IRF2BP2: variants seen among roughly 807,000 people sequenced by gnomAD.
The protein encoded by IRF2BP2 is interferon regulatory factor 2 binding protein 2.
In IRF2BP2, 13 loss-of-function variants were observed where a neutral mutation model predicts 32.7. The ratio of observed to expected loss-of-function variants is 0.40; its 90% CI spans 0.26 to 0.63. The LOEUF is 0.63. Ranked by LOEUF, IRF2BP2 falls within the 30% of genes least tolerant of loss-of-function variation. The pLI is 0.42. For missense variants in IRF2BP2, 980 were observed against 830.6 expected, an observed-to-expected ratio of 1.18 and a Z score of -2.21; for synonymous variants, 555 against 384.6, an observed-to-expected ratio of 1.44 and a Z score of -5.18.
At position 234,609,155 on chromosome 1, in the gene IRF2BP2, A is replaced by C; in HGVS notation, c.340T>G (p.Leu114Val). Residue 114 changes from leucine (L) to valine (V), a missense_variant, in exon 1 of 2, where the codon TTG (leucine) becomes GTG (valine). Transcript: ENST00000366609. ...GCGGCCGCCAACGGGTAGCGCTCCA[A>C]GGCCTGCGGCGCGCGCGGGGCCGCC... ...PEAAPRAPQA[L>V]ERYPLAAAAE... is the part of the protein sequence containing the mutation. 7.9e-7 allele frequency: 1 copy of C among 1,264,676 alleles called. No homozygotes were observed. The highest frequency in any genetic ancestry group is 9.9e-7 in the Non-Finnish European group (1 of 1,008,456). The allele number at this position is 1,264,676 out of a possible 1,614,324, so 78.3% of individuals were successfully genotyped here.
chr1:234,609,188 C>T lies in IRF2BP2; in HGVS notation c.307G>A (p.Gly103Ser). 1 of 1,298,650 alleles carries T rather than the reference C, an allele frequency of 7.7e-7. No individual in the cohort carries two copies. Among genetic ancestry groups the T allele is most frequent in the Non-Finnish European group, 9.7e-7 (1 of 1,027,986 alleles). The allele number at this position is 1,298,650 out of a possible 1,614,324, so 80.4% of individuals were successfully genotyped here. ...LQQQQQLGHG[G>S]PEAAPRAPQA... is the part of the protein sequence containing the mutation. ...GGCGCGCGCGGGGCCGCCTCGGGGC[C>T]GCCGTGGCCAAGCTGCTGCTGCTGC... Residue 103 changes from glycine (G) to serine (S), a missense_variant, in exon 1 of 2, where the codon GGC (glycine) becomes AGC (serine). Physicochemically the swap from Gly to Ser is moderately conservative, Grantham distance 56. Transcript: ENST00000366609.
rs1049406389 is a variant in IRF2BP2 at position 234,609,171 on chromosome 1, C to G, written c.324G>C (p.Pro108=). 2.6e-5 allele frequency: 33 copies of G among 1,274,922 alleles called. No individual in the cohort carries two copies. In the East Asian group the frequency reaches 9.1e-4, roughly 35 times the overall value. The allele number at this position is 1,274,922 out of a possible 1,614,324, so 79.0% of individuals were successfully genotyped here. Residue 108 remains proline, a synonymous_variant, in exon 1 of 2, where the codon CCG becomes CCC. Transcript: ENST00000366609. ...QLGHGGPEAA[P]RAPQALERYP... ...AGCGCTCCAAGGCCTGCGGCGCGCG[C>G]GGGGCCGCCTCGGGGCCGCCGTGGC...
rs1470215863 is a variant in IRF2BP2 at position 234,609,537 on chromosome 1, G to C, written c.-43C>G. On this transcript the variant is annotated 5_prime_UTR_variant, in exon 1 of 2. Transcript: ENST00000366609. ...CGCCGGAGGAGGAGGCGGAGGAGGA[G>C]GAGGGGGCGCCGCCGCCGCCCCCCA... The C allele has an allele frequency of 7.9e-7, 1 of 1,263,668 alleles. No individual in the cohort carries two copies. Among genetic ancestry groups the C allele is most frequent in the African/African-American group, 1.6e-5 (1 of 63,052 alleles). 78.3% of individuals were successfully genotyped at this position (1,263,668 alleles called of 1,614,324 possible). A position where few individuals can be genotyped will look rare whatever the true frequency, so the allele number is the denominator to read the frequency against.
rs1672305722 is a variant in IRF2BP2 at position 234,609,995 on chromosome 1, C to T, written c.-501G>A. ...AGCCCGAGCGGCGGGGCATGCCGCGCCGGGGTGGCGGCGGCCGGGCGGCGT... is the reference window on the plus strand; with the variant it reads ...AGCCCGAGCGGCGGGGCATGCCGCGTCGGGGTGGCGGCGGCCGGGCGGCGT... On this transcript the variant is annotated 5_prime_UTR_variant, in exon 1 of 2. Transcript: ENST00000366609. Among the ~76,000 whole-genome samples the T allele has an allele frequency of 6.9e-6, 1 of 144,198 alleles. No individual in the cohort carries two copies. Among genetic ancestry groups the T allele is most frequent in the Non-Finnish European group, 1.5e-5 (1 of 65,016 alleles). The allele number at this position is 144,198 out of a possible 152,430, so 94.6% of individuals were successfully genotyped here. A position where few individuals can be genotyped will look rare whatever the true frequency, so the allele number is the denominator to read the frequency against.
chr1:234,608,237 CG>C, intron 1 of IRF2BP2: 1 of 538,202 alleles, frequency 1.9e-6, no homozygotes, highest in South Asian at 2.9e-5. Flanking sequence ...CGTGTCAGAG[CG>C]TATCAGCCCA....
In IRF2BP2 at chr1:234,604,870, G is replaced by A. The variant is rs764755167; in HGVS notation, c.*2267C>T. The A allele has an allele frequency of 4.6e-5, 7 of 152,104 alleles. No individual in the cohort carries two copies. The highest frequency in any genetic ancestry group is 1.2e-4 in the African/African-American group (5 of 41,396). The allele number at this position is 152,104 out of a possible 1,614,324, so 9.4% of individuals were successfully genotyped here. On this transcript the variant is annotated 3_prime_UTR_variant, in exon 2 of 2. Coordinates refer to ENST00000366609, the MANE Select transcript of IRF2BP2 (RefSeq NM_182972.3). ...ACCCAGATCAACACTTTCCAGCTACGAGCCGTCCACAAAGGCCACCCAAAG... is the reference window on the plus strand; with the variant it reads ...ACCCAGATCAACACTTTCCAGCTACAAGCCGTCCACAAAGGCCACCCAAAG...
rs1304426188 is a variant in IRF2BP2, at chr1:234,607,451, C to G, written c.1450G>C (p.Gly484Arg). The part of the protein sequence containing the change: ...VGGQGAGNTG[G>R]LEPVHPASLP... ...CTGGCAGGGTGCACTGGCTCCAGTC[C>G]TCCTGTGTTGCCTGCTCCCTGGCCC... is the stretch of plus-strand genomic sequence containing the variant. The change falls in exon 2 of 2, where the codon GGA becomes CGA. Residue 484 changes from glycine to arginine, a missense_variant. Coordinates refer to ENST00000366609, the MANE Select transcript of IRF2BP2 (RefSeq NM_182972.3). 3.1e-6 allele frequency: 5 copies of G among 1,614,044 alleles called. No individual in the cohort carries two copies. Among genetic ancestry groups the G allele is most frequent in the Non-Finnish European group, 4.2e-6 (5 of 1,180,004 alleles).
chr1:234,608,457 C>T lies in IRF2BP2; in HGVS notation c.1038G>A (p.Gly346=). 6.3e-7 allele frequency: 1 copy of T among 1,578,558 alleles called. No homozygotes were observed. Among genetic ancestry groups the T allele is most frequent in the Non-Finnish European group, 8.6e-7 (1 of 1,160,194 alleles). The change falls in exon 1 of 2, where the codon GGG becomes GGA. Residue 346 remains glycine, a synonymous_variant. Transcript: ENST00000366609. ...CACAGCCGCCCCTACCTGCTTTAGA[C>T]CCGTTGGCCCCGTTGGCCTCGAAAC... ...LLGFEANGAN[G]SKAVARTARK...
rs906840267 is a variant in IRF2BP2, at chr1:234,605,252, A to C, written c.*1885T>G. On this transcript the variant is annotated 3_prime_UTR_variant, in exon 2 of 2. Transcript: ENST00000366609. ...ATGTCTTTATGGGCATGTAAAATTGACTCTGCATTTCTGCATGTGTGCATT... is the reference window on the plus strand; with the variant it reads ...ATGTCTTTATGGGCATGTAAAATTGCCTCTGCATTTCTGCATGTGTGCATT... The C allele has an allele frequency of 1.3e-5, 2 of 152,234 alleles. No homozygotes were observed. The highest frequency in any genetic ancestry group is 2.9e-5 in the Non-Finnish European group (2 of 68,032). The allele number at this position is 152,234 out of a possible 1,614,324, so 9.4% of individuals were successfully genotyped here.
rs149738997 is a variant in IRF2BP2 at position 234,607,986 on chromosome 1, C to T, written c.1049-134G>A. The T allele has an allele frequency of 8.4e-4, 584 of 697,444 alleles. 8 individuals carry two copies. In the East Asian group the frequency reaches 0.015, roughly 18 times the overall value. The allele number at this position is 697,444 out of a possible 1,614,324, so 43.2% of individuals were successfully genotyped here. On this transcript the variant is annotated intron_variant, in intron 1 of 1. Transcript: ENST00000366609. ...TCTAAAAGCACAGACAGAAAATACT[C>T]ATATACGAGTTTCAGGTGCACATGC...
intron 1 of IRF2BP2, 78 bp downstream of exon 1, chr1:234,608,369 G>T: frequency 4.2e-6 from 5 of 1,203,828 alleles, no homozygotes; most frequent in Non-Finnish European, 5.6e-6. Flanking sequence ...GTAAAATGGT[G>T]AATCCAAAGA....
At position 234,609,298 on chromosome 1, in the gene IRF2BP2, A is replaced by C. The variant is rs1672275270; in HGVS notation, c.197T>G (p.Phe66Cys). 15 of 1,480,210 alleles carry C rather than the reference A, an allele frequency of 1.0e-5. No homozygotes were observed. The highest frequency in any genetic ancestry group is 1.3e-5 in the Non-Finnish European group (15 of 1,113,930). The allele number at this position is 1,480,210 out of a possible 1,614,324, so 91.7% of individuals were successfully genotyped here. ...ARQLKRAHGC[F>C]PEGRSPPGAA... The stretch of plus-strand genomic sequence containing the variant: ...GCCGGGTGGGGAGCGACCCTCCGGG[A>C]AGCAGCCGTGCGCCCGCTTGAGCTG... The change falls in exon 1 of 2, where the codon TTC (phenylalanine) becomes TGC (cysteine). Residue 66 changes from phenylalanine (F) to cysteine (C), a missense_variant. Physicochemically the swap from Phe to Cys is radical, Grantham distance 205. Coordinates refer to ENST00000366609, the MANE Select transcript of IRF2BP2 (RefSeq NM_182972.3).
Position 234,609,040 on chromosome 1 carries a change from G to C in IRF2BP2, c.455C>G (p.Pro152Arg). Residue 152 changes from proline to arginine, a missense_variant, in exon 1 of 2, where the codon CCC (proline) becomes CGC (arginine). By Grantham distance (103) the Pro-to-Arg change is moderately radical. Transcript: ENST00000366609. ...GTTGGGCACCAGGATGCCGTTCACG[G>C]GCGGCGGCTGCGGCGTCGGCGGCTG... ...LAQPPTPQPP[P>R]VNGILVPNGF... 7.7e-7 allele frequency: 1 copy of C among 1,302,832 alleles called. No homozygotes were observed. Among genetic ancestry groups the C allele is most frequent in the Non-Finnish European group, 9.7e-7 (1 of 1,027,910 alleles). The allele number at this position is 1,302,832 out of a possible 1,614,324, so 80.7% of individuals were successfully genotyped here.
Position 234,605,214 on chromosome 1 carries a change from G to C in IRF2BP2, c.*1923C>G, listed in dbSNP as rs1672126883. 1 of 152,190 alleles carries C rather than the reference G, an allele frequency of 6.6e-6. No individual in the cohort carries two copies. Among genetic ancestry groups the C allele is most frequent in the South Asian group, 2.1e-4 (1 of 4,834 alleles). 9.4% of individuals were successfully genotyped at this position (152,190 alleles called of 1,614,324 possible). Reference sequence around the variant, plus strand: ...ATTTATACAACAGACCATAAGAGCTGAATTCTTTACAAATGTCTTTATGGG... The same window carrying C: ...ATTTATACAACAGACCATAAGAGCTCAATTCTTTACAAATGTCTTTATGGG... On this transcript the variant is annotated 3_prime_UTR_variant, in exon 2 of 2. Coordinates refer to ENST00000366609, the MANE Select transcript of IRF2BP2 (RefSeq NM_182972.3).
rs1672262886 is a variant in IRF2BP2 at position 234,609,016 on chromosome 1, T to C, written c.479A>G (p.Asn160Ser). The change falls in exon 1 of 2, where the codon AAC becomes AGC. Residue 160 changes from asparagine to serine, a missense_variant. Asn to Ser is a conservative substitution (Grantham distance 46). Transcript: ENST00000366609. Reference protein sequence around the residue: ...PPPVNGILVPNGFSKLEEPPE... With the variant: ...PPPVNGILVPSGFSKLEEPPE... ...CGGCTCCTCTAGCTTGGAGAAGCCG[T>C]TGGGCACCAGGATGCCGTTCACGGG... 4 of 1,333,678 alleles carry C rather than the reference T, an allele frequency of 3.0e-6. No homozygotes were observed. The highest frequency in any genetic ancestry group is 2.9e-5 in the East Asian group (1 of 34,994). 82.6% of individuals were successfully genotyped at this position (1,333,678 alleles called of 1,614,324 possible).
In IRF2BP2 at chr1:234,606,492, C is replaced by T. The variant is rs1672164146; in HGVS notation, c.*645G>A. 1 of 151,692 alleles carries T rather than the reference C, an allele frequency of 6.6e-6. No homozygotes were observed. Among genetic ancestry groups the T allele is most frequent in the Non-Finnish European group, 1.5e-5 (1 of 67,964 alleles). 9.4% of individuals were successfully genotyped at this position (151,692 alleles called of 1,614,324 possible). ...AAAAACAAAAAACCCCAAAAGACCACACAATCCTGAAAATTTCCCAGCAGC... is the reference window on the plus strand; with the variant it reads ...AAAAACAAAAAACCCCAAAAGACCATACAATCCTGAAAATTTCCCAGCAGC... On this transcript the variant is annotated 3_prime_UTR_variant, in exon 2 of 2. Coordinates refer to ENST00000366609, the MANE Select transcript of IRF2BP2 (RefSeq NM_182972.3).
intron 1 of IRF2BP2, 33 bp downstream of exon 1, chr1:234,608,414 C>T (rs778277014): frequency 1.7e-5 from 24 of 1,441,176 alleles, no homozygotes; most frequent in East Asian, 1.4e-4. Flanking sequence ...CCCTTTTCTC[C>T]CCTAGACCCC....
chr1:234,608,794 G>C lies in IRF2BP2; in HGVS notation c.701C>G (p.Ala234Gly). The C allele has an allele frequency of 1.4e-6, 2 of 1,431,874 alleles. No individual in the cohort carries two copies. The highest frequency in any genetic ancestry group is 1.8e-6 in the Non-Finnish European group (2 of 1,101,096). 88.7% of individuals were successfully genotyped at this position (1,431,874 alleles called of 1,614,324 possible). The change falls in exon 1 of 2, where the codon GCC (alanine) becomes GGC (glycine). Residue 234 changes from alanine to glycine, a missense_variant. Physicochemically the swap from Ala to Gly is moderately conservative, Grantham distance 60. Coordinates refer to ENST00000366609, the MANE Select transcript of IRF2BP2 (RefSeq NM_182972.3). ...LGSAQPTDLG[A>G]HKRPASVSSS... ...CGACACGGATGCCGGCCGCTTGTGG[G>C]CGCCCAGATCGGTGGGCTGCGCGGA...
chr1:234,608,674 G>C lies in IRF2BP2; in HGVS notation c.821C>G (p.Ser274Cys), dbSNP rs1280765592. 2 of 1,520,716 alleles carry C rather than the reference G, an allele frequency of 1.3e-6. No homozygotes were observed. Among genetic ancestry groups the C allele is most frequent in the East Asian group, 2.6e-5 (1 of 38,130 alleles). The allele number at this position is 1,520,716 out of a possible 1,614,324, so 94.2% of individuals were successfully genotyped here. The change falls in exon 1 of 2, where the codon TCC (serine) becomes TGC (cysteine). Residue 274 changes from serine (S) to cysteine (C), a missense_variant. Ser to Cys is a moderately radical substitution (Grantham distance 112, BLOSUM62 -1). Coordinates refer to ENST00000366609, the MANE Select transcript of IRF2BP2 (RefSeq NM_182972.3). ...CAGCTCGGCGGCCCCGGCCGCGGTG[G>C]ACAGGCTGTCGGCCGGGCCCCGGTG... ...PAHRGPADSL[S>C]TAAGAAELSA...
Sources: gnomAD v4.1 joint callset for allele counts (sites outside exome capture counted in the v4.1 genomes callset) on GRCh38, gnomAD v4.1.1 for gene constraint, MANE v1.5 for transcripts, NCBI Gene and HGNC (gene_info 2026-07-23, HGNC 2026-07-21) for gene names.